Variants in CERKL observed in about 807,000 individuals in gnomAD.
CERKL encodes CERK like autophagy regulator, also known as ceramide kinase-like protein.
In CERKL, 61 loss-of-function variants were observed where a neutral mutation model predicts 63.4. The ratio of observed to expected loss-of-function variants is 0.96; its 90% CI spans 0.78 to 1.19. The LOEUF (loss-of-function observed/expected upper bound fraction) is 1.19. Ranked by LOEUF, CERKL falls within the 50% of genes most tolerant of loss-of-function variation. CERKL has a pLI of 0.00. For synonymous variants in CERKL, 250 were observed against 230.5 expected (o/e 1.08, Z -0.77); for missense variants, 675 against 655.5 (o/e 1.03, Z -0.33).
chr2:181,544,176 C>T (rs1486832441), intron 11 of CERKL, among the ~76,000 whole-genome samples: 1 of 152,034 alleles, frequency 6.6e-6, no homozygotes, highest in Non-Finnish European at 1.5e-5. Flanking sequence ...TAAAGCAAAT[C>T]ACTTAAGTGG....
intron 4 of CERKL, among the ~76,000 whole-genome samples, chr2:181,560,374 A>C (rs1688387456): frequency 6.6e-6 from 1 of 152,212 alleles, no homozygotes. Context: ...TGCATATGTT[A>C]ACATATTGCT....
chr2:181,653,623 T>A (rs772834218), intron 1 of CERKL, among the ~76,000 whole-genome samples: 9 of 152,218 alleles, frequency 5.9e-5, no homozygotes, highest in Admixed American at 1.3e-4. Flanking sequence ...GAGGACATCG[T>A]GTTAAGAGAA....
chr2:181,593,774 T>G (rs1285817842), intron 2 of CERKL, among the ~76,000 whole-genome samples: 3 of 151,792 alleles, frequency 2.0e-5, no homozygotes, highest in Admixed American at 2.0e-4. Context: ...TCCTTTCCAG[T>G]GTTGCGACAT....
chr2:181,608,282 C>T (rs577491317), intron 1 of CERKL, among the ~76,000 whole-genome samples: 1 of 151,892 alleles, frequency 6.6e-6, no homozygotes, highest in South Asian at 2.1e-4. Context: ...GAAATTAGTC[C>T]CTTATTATAT....
intron 4 of CERKL, among the ~76,000 whole-genome samples, chr2:181,560,894 T>C (rs1688411593): frequency 6.6e-6 from 1 of 152,172 alleles, no homozygotes; most frequent in Non-Finnish European, 1.5e-5. Context: ...AACTATTCAA[T>C]CATTAAGATC....
chr2:181,536,817 A>G lies in CERKL; in HGVS notation c.*1367T>C, dbSNP rs1687134207. 3.1e-6 allele frequency: 1 copy of G among 324,004 alleles called. No homozygotes were observed. The highest frequency in any genetic ancestry group is 6.2e-6 in the Non-Finnish European group (1 of 162,596). 20.1% of individuals were successfully genotyped at this position (324,004 alleles called of 1,614,324 possible). On this transcript the variant is annotated 3_prime_UTR_variant, in exon 13 of 13. Coordinates refer to ENST00000410087, the MANE Select transcript of CERKL (RefSeq NM_201548.5). The stretch of plus-strand genomic sequence containing the variant: ...ATGCTTATGATCTAGATAATTGCAG[A>G]ATATCATTTTATCTGACTCTGCCTT...
chr2:181,567,235 G>T (rs1046255467), intron 3 of CERKL, among the ~76,000 whole-genome samples: 8 of 151,988 alleles, frequency 5.3e-5, no homozygotes, highest in Non-Finnish European at 1.2e-4. Context: ...AAGTTGAAAG[G>T]TTATCAAAGA....
intron 10 of CERKL, among the ~76,000 whole-genome samples, chr2:181,545,246 T>C (rs1687669947): frequency 6.6e-6 from 1 of 152,158 alleles, no homozygotes; most frequent in Non-Finnish European, 1.5e-5. Flanking sequence ...AGACAGAAGG[T>C]CTAAGTGACA....
intron 2 of CERKL, among the ~76,000 whole-genome samples, chr2:181,582,353 G>A (rs1250860407): frequency 6.6e-6 from 1 of 152,040 alleles, no homozygotes; most frequent in African/African-American, 2.4e-5. Flanking sequence ...CTGCATATGT[G>A]TGGTGAAGAG....
intron 3 of CERKL, among the ~76,000 whole-genome samples, chr2:181,571,227 G>A (rs1478782688): frequency 6.6e-6 from 1 of 152,110 alleles, no homozygotes; most frequent in Non-Finnish European, 1.5e-5. Flanking sequence ...ATAAGCAAAT[G>A]ATGTAATTTT....
At chr2:181,612,922 C>G (rs1299638686) in intron 1 of CERKL, among the ~76,000 whole-genome samples, 1 of 152,066 alleles carries the variant, frequency 6.6e-6, no homozygotes, top group Admixed American at 6.5e-5. Context: ...GGTACAAGAT[C>G]AGTACCATAC....
chr2:181,554,356 G>T (rs1446849196), intron 5 of CERKL, among the ~76,000 whole-genome samples: 1 of 151,910 alleles, frequency 6.6e-6, no homozygotes, highest in East Asian at 1.9e-4. Flanking sequence ...CTACACTTTG[G>T]TTCTTTGCCT....
intron 1 of CERKL, 56 bp downstream of exon 1, chr2:181,656,713 C>A: frequency 4.9e-6 from 7 of 1,429,096 alleles, no homozygotes; most frequent in Non-Finnish European, 6.6e-6. Flanking sequence ...GGCCTTGGGC[C>A]GGGGAGAGGG....
rs1684865762 is a variant in CERKL at position 181,588,738 on chromosome 2, C to T, written c.482-14854G>A. On this transcript the variant is annotated intron_variant, in intron 2 of 12. Transcript: ENST00000410087. Reference sequence around the variant, plus strand: ...GGGCTAGAGTTCCTTTTTCTCCACACCCCACCAATACTTATCTTTTATCTT... The same window carrying T: ...GGGCTAGAGTTCCTTTTTCTCCACATCCCACCAATACTTATCTTTTATCTT... Among the ~76,000 whole-genome samples, 5 of 152,114 alleles carry T rather than the reference C, an allele frequency of 3.3e-5. 1 individual carries two copies. The highest frequency in any genetic ancestry group is 3.3e-4 in the Admixed American group (5 of 15,260).
intron 3 of CERKL, among the ~76,000 whole-genome samples, chr2:181,571,785 C>T (rs1688913808): frequency 6.6e-6 from 1 of 152,086 alleles, no homozygotes; most frequent in Non-Finnish European, 1.5e-5. Context: ...CTGTCCTCAG[C>T]CCCTGGGAAG....
At chr2:181,565,875 TGAGA>T (rs969495885) in intron 4 of CERKL, among the ~76,000 whole-genome samples, 179 bp downstream of exon 4, 1 of 152,160 alleles carries the variant, frequency 6.6e-6, no homozygotes, top group Admixed American at 6.6e-5. Context: ...TGCCAGATCC[TGAGA>T]GATAGATGAC....
At position 181,549,717 on chromosome 2, in the gene CERKL, G is replaced by A; in HGVS notation, c.821-9C>T. 3 of 1,602,762 alleles carry A rather than the reference G, an allele frequency of 1.9e-6. No individual in the cohort carries two copies. The highest frequency in any genetic ancestry group is 2.6e-6 in the Non-Finnish European group (3 of 1,170,006). ...CAATACATTGGTAGATCCTGCCAAA[G>A]CAATTTTAAAACATGCACTATTAGG... On this transcript the variant is annotated splice_polypyrimidine_tract_variant and intron_variant, in intron 5 of 12. Transcript: ENST00000410087.
intron 4 of CERKL, among the ~76,000 whole-genome samples, chr2:181,562,720 C>T (rs892278751): frequency 1.3e-5 from 2 of 152,146 alleles, no homozygotes; most frequent in African/African-American, 4.8e-5. Flanking sequence ...TATCCTTTTT[C>T]AAAGAGTGAT....
At chr2:181,655,740 C>T (rs1197151259) in intron 1 of CERKL, among the ~76,000 whole-genome samples, 2 of 152,140 alleles carry the variant, frequency 1.3e-5, no homozygotes, top group African/African-American at 4.8e-5. Flanking sequence ...CAGGGGAAGG[C>T]AATTTTTTTA....
Sources: gnomAD v4.1 joint callset for allele counts (sites outside exome capture counted in the v4.1 genomes callset) on GRCh38, gnomAD v4.1.1 for gene constraint, MANE v1.5 for transcripts, NCBI Gene and HGNC (gene_info 2026-07-23, HGNC 2026-07-21) for gene names.